The following C2orf76 variants were observed in gnomAD, a reference collection of about 807,000 sequenced individuals.
C2orf76 encodes the protein UPF0538 protein C2orf76.
Under a neutral mutation model 16.9 loss-of-function variants are expected in C2orf76, and 23 were observed. That is an observed-to-expected ratio of 1.36 (90% CI 0.98 to 1.93). The LOEUF is 1.93. Among genes scored for constraint, C2orf76 ranks in the 30% most tolerant of loss-of-function variants. C2orf76 has a pLI of 0.00. For missense variants in C2orf76, 152 were observed against 152.6 expected (o/e 1.00, Z 0.02); for synonymous variants, 48 against 52.3 (o/e 0.92, Z 0.35).
intron 3 of C2orf76, among the ~76,000 whole-genome samples, chr2:119,318,257 G>A (rs6717004): frequency 0.039 from 5,907 of 152,196 alleles, 366 homozygotes; most frequent in African/African-American, 0.13. Flanking sequence ...GAAAGTTTCC[G>A]ATTCTTCACT....
At chr2:119,340,702 T>C in intron 1 of C2orf76, among the ~76,000 whole-genome samples, 1 of 150,938 alleles carries the variant, frequency 6.6e-6, no homozygotes, top group Admixed American at 6.7e-5. Flanking sequence ...AGCTGGTAAA[T>C]GATGGAGTCA....
intron 1 of C2orf76, among the ~76,000 whole-genome samples, chr2:119,352,380 G>A (rs1680433877): frequency 1.3e-5 from 2 of 152,082 alleles, no homozygotes; most frequent in Admixed American, 6.6e-5. Flanking sequence ...ATTAAATTTG[G>A]CCTAAAGCTG....
intron 1 of C2orf76, among the ~76,000 whole-genome samples, chr2:119,361,142 A>G (rs2104653566): frequency 6.6e-6 from 1 of 152,364 alleles, no homozygotes; most frequent in South Asian, 2.1e-4. Context: ...AAGATGTACA[A>G]GAGATCTCTC....
At chr2:119,314,064 G>A (rs527891277) in intron 4 of C2orf76, among the ~76,000 whole-genome samples, 11 of 119,196 alleles carry the variant, frequency 9.2e-5, no homozygotes, top group Non-Finnish European at 1.8e-4. Flanking sequence ...ATGAATTTTC[G>A]TGGAATAAAT....
At chr2:119,309,460 G>A (rs1480399841) in intron 5 of C2orf76, among the ~76,000 whole-genome samples, 1 of 109,986 alleles carries the variant, frequency 9.1e-6, no homozygotes. Flanking sequence ...AGGCTGGAGT[G>A]CTGTGCTGGA....
chr2:119,307,605 C>G (rs1335355667), intron 5 of C2orf76, among the ~76,000 whole-genome samples: 1 of 152,016 alleles, frequency 6.6e-6, no homozygotes, highest in African/African-American at 2.4e-5. Context: ...AAAATCGCTC[C>G]CTGCAGGGAC....
downstream of C2orf76, among the ~76,000 whole-genome samples, chr2:119,301,849 G>A (rs1271111179): frequency 4.8e-5 from 7 of 145,206 alleles, no homozygotes; most frequent in African/African-American, 1.8e-4. Flanking sequence ...CCTGAAGATG[G>A]AAAACACAGC....
intron 1 of C2orf76, among the ~76,000 whole-genome samples, chr2:119,343,785 A>C (rs1680112837): frequency 6.6e-6 from 1 of 152,196 alleles, no homozygotes; most frequent in Admixed American, 6.5e-5. Flanking sequence ...ATCTCAAAAA[A>C]CAAACAAACA....
chr2:119,340,866 T>C (rs919254296), intron 1 of C2orf76, among the ~76,000 whole-genome samples: 2 of 151,832 alleles, frequency 1.3e-5, no homozygotes, highest in Non-Finnish European at 2.9e-5. Context: ...AATGTTTTTT[T>C]CATGCTTAAA....
chr2:119,341,751 T>G (rs1680038246), intron 1 of C2orf76, among the ~76,000 whole-genome samples: 1 of 152,204 alleles, frequency 6.6e-6, no homozygotes, highest in Admixed American at 6.5e-5. Context: ...CCTGTAATAC[T>G]GATAAATGTA....
intron 1 of C2orf76, among the ~76,000 whole-genome samples, chr2:119,353,556 CT>C (rs755724739): frequency 0.039 from 4,897 of 124,506 alleles, 74 homozygotes; most frequent in African/African-American, 0.066. Context: ...CAAGAATTTT[CT>C]TTTTTTTTTT....
chr2:119,322,361 C>T (rs931523870), intron 2 of C2orf76, among the ~76,000 whole-genome samples: 4 of 151,948 alleles, frequency 2.6e-5, no homozygotes, highest in Admixed American at 6.6e-5. Context: ...TGCATGCCAC[C>T]GCACCCAGCA....
intron 1 of C2orf76, among the ~76,000 whole-genome samples, chr2:119,353,074 T>A (rs1335085985): frequency 9.9e-5 from 15 of 152,278 alleles, no homozygotes; most frequent in Admixed American, 5.9e-4. Context: ...AATCACTGAA[T>A]ATGCAAATGA....
At chr2:119,301,386 G>C (rs969781031), downstream of C2orf76, among the ~76,000 whole-genome samples, 1 of 152,192 alleles carries the variant, frequency 6.6e-6, no homozygotes, top group African/African-American at 2.4e-5. Flanking sequence ...AAGTTGATTT[G>C]TTAAGAAATC....
intron 2 of C2orf76, among the ~76,000 whole-genome samples, chr2:119,334,571 T>A (rs1275476530): frequency 6.6e-6 from 1 of 151,338 alleles, no homozygotes; most frequent in African/African-American, 2.4e-5. Context: ...GCATCAGTAG[T>A]CCCAGCTACT....
At chr2:119,311,724 C>CT (rs776197761) in intron 4 of C2orf76, 21 bp from the exon 5 acceptor site, 13 of 1,574,870 alleles carry the variant, frequency 8.3e-6, no homozygotes, top group Non-Finnish European at 6.9e-6. Context: ...AAAAGAAAAT[C>CT]TGCATTTTAT....
chr2:119,328,039 TC>T (rs1254338548), intron 2 of C2orf76, among the ~76,000 whole-genome samples: 1 of 151,790 alleles, frequency 6.6e-6, no homozygotes, highest in Non-Finnish European at 1.5e-5. Context: ...CTTTTTTTTT[TC>T]TTAAGAGACA....
the C2orf76 span, among the ~76,000 whole-genome samples, chr2:119,288,985 A>C: frequency 6.6e-6 from 1 of 151,994 alleles, no homozygotes; most frequent in East Asian, 1.9e-4. Context: ...AACCGAAATA[A>C]TCTGTCTTCA....
the C2orf76 span, among the ~76,000 whole-genome samples, chr2:119,291,633 C>T: frequency 6.6e-6 from 1 of 151,920 alleles, no homozygotes; most frequent in South Asian, 2.1e-4. Flanking sequence ...AAGAACACTG[C>T]TGGGTGGTGT....
Sources: gnomAD v4.1 joint callset for allele counts (sites outside exome capture counted in the v4.1 genomes callset) on GRCh38, gnomAD v4.1.1 for gene constraint, MANE v1.5 for transcripts, NCBI Gene and HGNC (gene_info 2026-07-23, HGNC 2026-07-21) for gene names.